CCSER2: variants seen among roughly 807,000 people sequenced by gnomAD.
CCSER2 encodes the protein coiled-coil serine rich protein 2, also known as serine-rich coiled-coil domain-containing protein 2.
In CCSER2, 46 loss-of-function variants were observed where a neutral mutation model predicts 92.3. The observed-to-expected ratio is 0.50, with a 90% CI of 0.39 to 0.64. The LOEUF is 0.64. Ranked by LOEUF, CCSER2 falls within the 30% of genes least tolerant of loss-of-function variation. The probability of loss-of-function intolerance (pLI) is 0.00; values close to 1 mark genes in which losing one functional copy is unlikely to be tolerated. For synonymous variants in CCSER2, 433 were observed against 431.4 expected, an observed-to-expected ratio of 1.00 and a Z score of -0.04; for missense variants, 1,244 against 1,238.9, an observed-to-expected ratio of 1.00 and a Z score of -0.06.
chr10:84,349,371 T>C (rs1454227536), intron 1 of CCSER2, among the ~76,000 whole-genome samples: 1 of 152,174 alleles, frequency 6.6e-6, no homozygotes, highest in Non-Finnish European at 1.5e-5. Context: ...CTCCCCTATA[T>C]ATCTTGAAAC....
At chr10:84,422,342 A>C (rs1843191364) in intron 4 of CCSER2, among the ~76,000 whole-genome samples, 1 of 152,216 alleles carries the variant, frequency 6.6e-6, no homozygotes, top group African/African-American at 2.4e-5. Context: ...TGCGGGGTCT[A>C]AGGTTGATAT....
chr10:84,403,971 G>C (rs1237988473), intron 3 of CCSER2, among the ~76,000 whole-genome samples: 1 of 152,168 alleles, frequency 6.6e-6, no homozygotes, highest in Admixed American at 6.6e-5. Context: ...AAAAGTTACA[G>C]ATTTAGAGAG....
chr10:84,501,250 A>G (rs1004730426), intron 9 of CCSER2, among the ~76,000 whole-genome samples: 1 of 152,232 alleles, frequency 6.6e-6, no homozygotes, highest in Non-Finnish European at 1.5e-5. Flanking sequence ...GAATCATACT[A>G]AAATGCTAGT....
chr10:84,369,625 CTGAT>C (rs1845961894), intron 1 of CCSER2, among the ~76,000 whole-genome samples: 1 of 151,942 alleles, frequency 6.6e-6, no homozygotes, highest in African/African-American at 2.4e-5. Context: ...TCTGTTTACT[CTGAT>C]TATTTTTTGC....
At chr10:84,505,999 T>A (rs184430451) in intron 9 of CCSER2, among the ~76,000 whole-genome samples, 12 of 152,256 alleles carry the variant, frequency 7.9e-5, no homozygotes, top group Admixed American at 6.5e-4. Flanking sequence ...TTTTTTTTCC[T>A]GAACTACTCT....
intron 9 of CCSER2, among the ~76,000 whole-genome samples, chr10:84,503,226 CA>C (rs112148812): frequency 1.3e-5 from 2 of 149,760 alleles, no homozygotes; most frequent in Non-Finnish European, 3.0e-5. Flanking sequence ...GACTCTGTCT[CA>C]AAAAAAAAGA....
chr10:84,512,136 T>C lies in CCSER2; in HGVS notation c.2326-1313T>C, dbSNP rs886731461. Among the ~76,000 whole-genome samples the C allele has an allele frequency of 5.9e-5, 9 of 152,256 alleles. No individual in the cohort carries two copies. In the South Asian group the frequency reaches 1.7e-3, roughly 28 times the overall value. On this transcript the variant is annotated intron_variant, in intron 9 of 9. Transcript: ENST00000372088. ...TAATCTAATCCCTGGCTGCTGATCCTGGGCAGCCATTGTCCAGTGCTGGTC... is the reference window on the plus strand; with the variant it reads ...TAATCTAATCCCTGGCTGCTGATCCCGGGCAGCCATTGTCCAGTGCTGGTC...
At chr10:84,403,150 C>G (rs1045165950) in intron 3 of CCSER2, among the ~76,000 whole-genome samples, 1 of 149,418 alleles carries the variant, frequency 6.7e-6, no homozygotes, top group Non-Finnish European at 1.5e-5. Flanking sequence ...CTGAAGTAGA[C>G]CTACACAAAT....
At chr10:84,418,838 A>C (rs1164150114) in intron 4 of CCSER2, among the ~76,000 whole-genome samples, 1 of 152,118 alleles carries the variant, frequency 6.6e-6, no homozygotes, top group African/African-American at 2.4e-5. Flanking sequence ...TCATTCATGG[A>C]TCTAAGGATT....
At chr10:84,466,518 T>G (rs891415059) in intron 7 of CCSER2, among the ~76,000 whole-genome samples, 4 of 151,570 alleles carry the variant, frequency 2.6e-5, no homozygotes, top group African/African-American at 9.7e-5. Context: ...GTTTTTTTTT[T>G]TTTTGAGACA....
Position 84,371,807 on chromosome 10 carries a change from A to C in CCSER2, c.755A>C (p.Lys252Thr). ...HSFNRAVDLT[K>T]PYQNQQLSIR... ...TTTAATAGAGCTGTGGATCTTACAA[A>C]GCCTTATCAGAACCAACAGCTATCC... is the stretch of plus-strand genomic sequence containing the variant. The change falls in exon 2 of 10, where the codon AAG becomes ACG. Residue 252 changes from lysine (K) to threonine (T), a missense_variant. Physicochemically the swap from Lys to Thr is moderately conservative, Grantham distance 78. Coordinates refer to ENST00000372088, the MANE Select transcript of CCSER2 (RefSeq NM_001284240.2). 6.2e-7 allele frequency: 1 copy of C among 1,613,908 alleles called. No homozygotes were observed. The highest frequency in any genetic ancestry group is 8.5e-7 in the Non-Finnish European group (1 of 1,179,880).
intron 3 of CCSER2, among the ~76,000 whole-genome samples, chr10:84,394,546 C>G (rs961099058): frequency 2.6e-5 from 4 of 151,770 alleles, no homozygotes; most frequent in African/African-American, 9.7e-5. Flanking sequence ...TACGGAACAG[C>G]ATGTACAGCA....
rs1378473524 is a variant in CCSER2, at chr10:84,470,782, G to A, written c.2235+324G>A. 2.0e-5 allele frequency among the ~76,000 whole-genome samples: 3 copies of A among 152,164 alleles called. No individual in the cohort carries two copies. The East Asian group carries it at 5.8e-4, about 29-fold the overall frequency. ...TATTTAAAGAAACAAGTACTTGTGA[G>A]TTGAGAACAGGGTATTTTCTCTCTC... On this transcript the variant is annotated intron_variant, in intron 8 of 9. Coordinates refer to ENST00000372088, the MANE Select transcript of CCSER2 (RefSeq NM_001284240.2).
In CCSER2 at chr10:84,392,637, A is replaced by T. The variant is rs547792203; in HGVS notation, c.1614+18822A>T. Reference sequence around the variant, plus strand: ...AAATCAGCTTGCCTTCCCATAGTAGAAGCAGGTTCTTGGAAGTTACAATTT... The same window carrying T: ...AAATCAGCTTGCCTTCCCATAGTAGTAGCAGGTTCTTGGAAGTTACAATTT... On this transcript the variant is annotated intron_variant, in intron 3 of 9. Coordinates refer to ENST00000372088, the MANE Select transcript of CCSER2 (RefSeq NM_001284240.2). 3.3e-5 allele frequency among the ~76,000 whole-genome samples: 5 copies of T among 152,240 alleles called. No individual in the cohort carries two copies. In the South Asian group the frequency reaches 1.0e-3, roughly 32 times the overall value.
At chr10:84,452,701 G>T (rs1845365658) in intron 6 of CCSER2, among the ~76,000 whole-genome samples, 1 of 152,164 alleles carries the variant, frequency 6.6e-6, no homozygotes, top group South Asian at 2.1e-4. Flanking sequence ...ACTTGGAACA[G>T]TACCCAGCAC....
chr10:84,333,705 C>T (rs1484243506), intron 1 of CCSER2, among the ~76,000 whole-genome samples: 2 of 152,162 alleles, frequency 1.3e-5, no homozygotes, highest in Admixed American at 6.5e-5. Flanking sequence ...AAGGCTAAAC[C>T]TTGAGGTGGA....
chr10:84,446,335 T>C (rs1191198828), intron 6 of CCSER2, among the ~76,000 whole-genome samples: 2 of 152,192 alleles, frequency 1.3e-5, no homozygotes, highest in Non-Finnish European at 2.9e-5. Context: ...AAATGTTTAG[T>C]TTCATTATTC....
At chr10:84,376,349 C>T (rs1182610218) in intron 3 of CCSER2, among the ~76,000 whole-genome samples, 3 of 152,118 alleles carry the variant, frequency 2.0e-5, no homozygotes, top group Admixed American at 1.3e-4. Context: ...ATATAGAATA[C>T]TCCCATCGCT....
intron 3 of CCSER2, among the ~76,000 whole-genome samples, chr10:84,374,881 A>G (rs1015398235): frequency 6.6e-6 from 1 of 152,216 alleles, no homozygotes; most frequent in Non-Finnish European, 1.5e-5. Flanking sequence ...CTATACTCCT[A>G]TAAACCTTTT....
Sources: allele counts gnomAD v4.1 joint callset (sites outside exome capture counted in the v4.1 genomes callset), GRCh38; gene constraint gnomAD v4.1.1; transcripts MANE v1.5; gene names NCBI Gene and HGNC (gene_info 2026-07-23, HGNC 2026-07-21).